The following COLEC10 variants were observed in gnomAD, a reference collection of about 807,000 sequenced individuals.
COLEC10 encodes collectin-10.
Under a neutral mutation model 28.4 loss-of-function variants are expected in COLEC10, and 22 were observed. The ratio of observed to expected loss-of-function variants is 0.78; its 90% CI spans 0.55 to 1.11. The LOEUF (loss-of-function observed/expected upper bound fraction) is 1.11, where lower values mean the gene tolerates loss of function less well. Ranked by LOEUF, COLEC10 falls within the 50% of genes least tolerant of loss-of-function variation. The pLI is 0.00. For synonymous variants in COLEC10, 125 were observed against 116.1 expected (o/e 1.08, Z -0.49); for missense variants, 361 against 344.1 (o/e 1.05, Z -0.39).
chr8:118,966,519 G>C, the COLEC10 span, among the ~76,000 whole-genome samples: 1 of 152,094 alleles, frequency 6.6e-6, no homozygotes, highest in African/African-American at 2.4e-5. Context: ...ACTTGTCATA[G>C]CACACTGATC....
chr8:119,038,900 T>A (rs1168524917), intron 2 of COLEC10, among the ~76,000 whole-genome samples: 1 of 152,108 alleles, frequency 6.6e-6, no homozygotes, highest in African/African-American at 2.4e-5. Flanking sequence ...ATTAGCCTTT[T>A]TTTGAAATTT....
chr8:119,041,656 C>T (rs1317216499), intron 2 of COLEC10, among the ~76,000 whole-genome samples: 1 of 151,942 alleles, frequency 6.6e-6, no homozygotes, highest in Non-Finnish European at 1.5e-5. Flanking sequence ...TTTAATATGC[C>T]TAAAGTACTT....
chr8:119,040,655 C>T (rs1268567570), intron 2 of COLEC10, among the ~76,000 whole-genome samples: 3 of 152,130 alleles, frequency 2.0e-5, no homozygotes, highest in Non-Finnish European at 4.4e-5. Flanking sequence ...TGCAGGAAGA[C>T]ATACAATCAA....
chr8:119,057,752 A>T (rs1193551088), intron 2 of COLEC10, among the ~76,000 whole-genome samples: 1 of 152,114 alleles, frequency 6.6e-6, no homozygotes, highest in Non-Finnish European at 1.5e-5. Context: ...ATATGCCTAT[A>T]CAATTATTCA....
At chr8:119,096,201 C>A (rs964862553) in intron 3 of COLEC10, among the ~76,000 whole-genome samples, 1 of 152,106 alleles carries the variant, frequency 6.6e-6, no homozygotes, top group Non-Finnish European at 1.5e-5. Flanking sequence ...ATATAGAAGT[C>A]TATATTTTTG....
the COLEC10 span, among the ~76,000 whole-genome samples, chr8:118,967,165 G>A: frequency 6.6e-6 from 1 of 152,044 alleles, no homozygotes; most frequent in Non-Finnish European, 1.5e-5. Flanking sequence ...TACTTGGCTT[G>A]GCATGCCAAA....
the COLEC10 span, among the ~76,000 whole-genome samples, chr8:118,979,578 G>A: frequency 1.3e-5 from 2 of 151,356 alleles, no homozygotes; most frequent in Admixed American, 6.6e-5. Flanking sequence ...CTAATATTTT[G>A]TAAATATGCT....
intron 1 of COLEC10, among the ~76,000 whole-genome samples, chr8:119,000,359 C>A (rs1451047878): frequency 6.6e-6 from 1 of 152,044 alleles, no homozygotes; most frequent in Non-Finnish European, 1.5e-5. Flanking sequence ...TTGTGGAGTG[C>A]CAATTTGAGA....
chr8:119,026,037 T>G (rs1469922991), intron 2 of COLEC10, among the ~76,000 whole-genome samples: 3 of 152,190 alleles, frequency 2.0e-5, no homozygotes, highest in Non-Finnish European at 4.4e-5. Context: ...ATTGACTAGT[T>G]TCTGTTTCTT....
At chr8:119,013,715 G>A (rs939266499) in intron 2 of COLEC10, among the ~76,000 whole-genome samples, 1 of 150,560 alleles carries the variant, frequency 6.6e-6, no homozygotes, top group South Asian at 2.1e-4. Flanking sequence ...TCTTCATTAC[G>A]TAATGCCCCT....
chr8:119,028,128 C>A (rs76039178), intron 2 of COLEC10, among the ~76,000 whole-genome samples: 6,665 of 152,216 alleles, frequency 0.044, 207 homozygotes, highest in East Asian at 0.16. Context: ...CCATTTAGTA[C>A]AAGGTCCTCA....
chr8:118,992,016 G>T (rs1302430889), upstream of COLEC10, among the ~76,000 whole-genome samples: 3 of 152,054 alleles, frequency 2.0e-5, no homozygotes, highest in African/African-American at 7.2e-5. Context: ...TAAAGCTAGA[G>T]TTGATAAGAA....
the COLEC10 span, among the ~76,000 whole-genome samples, chr8:118,965,185 G>C: frequency 6.6e-6 from 1 of 151,652 alleles, no homozygotes; most frequent in East Asian, 1.9e-4. Context: ...ATAAGATACA[G>C]AGGCAGGGAA....
At chr8:119,013,013 CTCT>C (rs1453005818) in intron 2 of COLEC10, among the ~76,000 whole-genome samples, 1 of 147,228 alleles carries the variant, frequency 6.8e-6, no homozygotes, top group Non-Finnish European at 1.5e-5. Flanking sequence ...TATTTTGCTG[CTCT>C]TTTTTTTTTC....
Position 119,106,757 on chromosome 8 carries a change from C to T in COLEC10, c.*566C>T, listed in dbSNP as rs1815954196. 6.6e-6 allele frequency among the ~76,000 whole-genome samples: 1 copy of T among 152,160 alleles called. No individual in the cohort carries two copies. The highest frequency in any genetic ancestry group is 1.5e-5 in the Non-Finnish European group (1 of 68,030). On this transcript the variant is annotated 3_prime_UTR_variant, in exon 6 of 6. Coordinates refer to ENST00000332843, the MANE Select transcript of COLEC10 (RefSeq NM_006438.5). ...ACATAGAAATGCTTTAACCCCAAAC[C>T]TTTATATGGGGGACTTCTAGCTTTG...
chr8:118,954,174 G>A, the COLEC10 span, among the ~76,000 whole-genome samples: 2 of 152,226 alleles, frequency 1.3e-5, no homozygotes, highest in Non-Finnish European at 2.9e-5. Context: ...GTAATTTGGG[G>A]ATTCAGGGGA....
intron 2 of COLEC10, among the ~76,000 whole-genome samples, chr8:119,060,770 GT>G (rs536551383): frequency 1.4e-4 from 21 of 152,212 alleles, no homozygotes; most frequent in African/African-American, 5.1e-4. Context: ...CTATAATACA[GT>G]AGATACTGTC....
chr8:119,092,117 T>G (rs1014201174), intron 3 of COLEC10, among the ~76,000 whole-genome samples: 1 of 149,062 alleles, frequency 6.7e-6, no homozygotes, highest in South Asian at 2.2e-4. Flanking sequence ...TCACCCAGGC[T>G]GGAGTGCAGT....
At chr8:118,990,612 C>T (rs535154175), upstream of COLEC10, among the ~76,000 whole-genome samples, 46 of 152,156 alleles carry the variant, frequency 3.0e-4, no homozygotes, top group Non-Finnish European at 6.6e-4. Flanking sequence ...TAATTTGTTC[C>T]TGGAACACAA....
Sources: allele counts gnomAD v4.1 joint callset (sites outside exome capture counted in the v4.1 genomes callset), GRCh38; gene constraint gnomAD v4.1.1; transcripts MANE v1.5; gene names NCBI Gene and HGNC (gene_info 2026-07-23, HGNC 2026-07-21).